PCSK2: variants seen among roughly 807,000 people sequenced by gnomAD.
PCSK2 encodes proprotein convertase subtilisin/kexin type 2.
PCSK2 carries 14 observed loss-of-function variants against 69.7 expected under a neutral mutation model. The observed-to-expected ratio is 0.20, with a 90% confidence interval of 0.13 to 0.31. The LOEUF (loss-of-function observed/expected upper bound fraction) is 0.31, where lower values mean the gene tolerates loss of function less well. Ranked by LOEUF, PCSK2 falls within the 10% of genes least tolerant of loss-of-function variation. The pLI is 1.00. For synonymous variants in PCSK2, 307 were observed against 320.7 expected, an observed-to-expected ratio of 0.96 and a Z score of 0.46; for missense variants, 544 against 842.5, an observed-to-expected ratio of 0.65 and a Z score of 4.39.
intron 6 of PCSK2, among the ~76,000 whole-genome samples, chr20:17,423,683 C>A (rs911148538): frequency 7.2e-5 from 11 of 151,780 alleles, no homozygotes; most frequent in Admixed American, 2.6e-4. Flanking sequence ...GGAAGACAAG[C>A]CACAGACTAG....
At chr20:17,436,009 G>C (rs185652262) in intron 7 of PCSK2, among the ~76,000 whole-genome samples, 1 of 152,298 alleles carries the variant, frequency 6.6e-6, no homozygotes, top group Admixed American at 6.5e-5. Context: ...GCAGGACTTT[G>C]CTCCTTCCCA....
intron 1 of PCSK2, among the ~76,000 whole-genome samples, chr20:17,252,734 G>A (rs891605421): frequency 6.6e-6 from 1 of 152,182 alleles, no homozygotes; most frequent in African/African-American, 2.4e-5. Flanking sequence ...TTTGTAGGCT[G>A]AGACCATATC....
chr20:17,373,173 G>T (rs527841433), intron 5 of PCSK2, among the ~76,000 whole-genome samples: 320 of 152,260 alleles, frequency 2.1e-3, no homozygotes, highest in Non-Finnish European at 3.1e-3. Flanking sequence ...GAGGATTCTA[G>T]GAAGCAGGGG....
At chr20:17,388,723 A>G (rs2031299356) in intron 5 of PCSK2, among the ~76,000 whole-genome samples, 1 of 152,146 alleles carries the variant, frequency 6.6e-6, no homozygotes, top group Non-Finnish European at 1.5e-5. Context: ...AGGAACCCGG[A>G]CTGACCCACA....
rs2032323660 is a variant in PCSK2 at position 17,429,607 on chromosome 20, T to C, written c.709+84T>C. 21 of 897,032 alleles carry C rather than the reference T, an allele frequency of 2.3e-5. No individual in the cohort carries two copies. In the South Asian group the frequency reaches 4.1e-4, roughly 17 times the overall value. 55.6% of individuals were successfully genotyped at this position (897,032 alleles called of 1,614,324 possible). On this transcript the variant is annotated intron_variant, in intron 7 of 11. Transcript: ENST00000262545. The stretch of plus-strand genomic sequence containing the variant: ...ACTGTGGCCCAGCAAAAAATCCCAC[T>C]GGTGCAGAAAAGCTAGGATCCACAG...
At chr20:17,374,183 C>T (rs1157780860) in intron 5 of PCSK2, among the ~76,000 whole-genome samples, 1 of 152,138 alleles carries the variant, frequency 6.6e-6, no homozygotes, top group Non-Finnish European at 1.5e-5. Context: ...ATAAATAAGA[C>T]ACAGGCACTC....
intron 6 of PCSK2, among the ~76,000 whole-genome samples, chr20:17,412,692 T>A (rs2031903463): frequency 6.6e-6 from 1 of 152,140 alleles, no homozygotes; most frequent in South Asian, 2.1e-4. Flanking sequence ...ACCACAAAGA[T>A]ACTCCTCAAG....
At chr20:17,262,162 C>G (rs1333430237) in intron 2 of PCSK2, among the ~76,000 whole-genome samples, 1 of 152,188 alleles carries the variant, frequency 6.6e-6, no homozygotes, top group Non-Finnish European at 1.5e-5. Flanking sequence ...AGATCAGTCA[C>G]TGGTGATTCT....
intron 2 of PCSK2, among the ~76,000 whole-genome samples, chr20:17,358,052 TC>T (rs1434919347): frequency 6.6e-6 from 1 of 152,228 alleles, no homozygotes; most frequent in African/African-American, 2.4e-5. Flanking sequence ...ACGCCTGTAA[TC>T]CCAGCTCTTT....
intron 8 of PCSK2, among the ~76,000 whole-genome samples, chr20:17,438,346 G>C (rs1207507918): frequency 6.6e-6 from 1 of 152,154 alleles, no homozygotes; most frequent in African/African-American, 2.4e-5. Context: ...TGAATGTACA[G>C]AACGCTATGT....
chr20:17,365,718 C>T (rs1461351619), intron 4 of PCSK2, among the ~76,000 whole-genome samples: 3 of 152,174 alleles, frequency 2.0e-5, no homozygotes, highest in Non-Finnish European at 4.4e-5. Context: ...ATTCCCATTC[C>T]CAAAGGGAGA....
rs551723808 is a variant in PCSK2 at position 17,482,595 on chromosome 20, C to T, written c.*525C>T. 11 of 152,082 alleles carry T rather than the reference C, an allele frequency of 7.2e-5. No homozygotes were observed. The highest frequency in any genetic ancestry group is 7.3e-5 in the Non-Finnish European group (5 of 68,090). The allele number at this position is 152,082 out of a possible 1,614,324, so 9.4% of individuals were successfully genotyped here. A position where few individuals can be genotyped will look rare whatever the true frequency, so the allele number is the denominator to read the frequency against. ...ATGTTTTGAATTTAGTGAGATTTACCAGGGATGTAGATTAAGGTGATGTGA... is the reference window on the plus strand; with the variant it reads ...ATGTTTTGAATTTAGTGAGATTTACTAGGGATGTAGATTAAGGTGATGTGA... On this transcript the variant is annotated 3_prime_UTR_variant, in exon 12 of 12. Transcript: ENST00000262545.
rs114514817 is a variant in PCSK2, at chr20:17,353,864, G to A, written c.283-4463G>A. On this transcript the variant is annotated intron_variant, in intron 2 of 11. Coordinates refer to ENST00000262545, the MANE Select transcript of PCSK2 (RefSeq NM_002594.5). ...CCTTTCCAGCAACTTGGATGCAGAT[G>A]GAGTTCATTATCCTAAGCAAATTAA... Among the ~76,000 whole-genome samples, 905 of 152,256 alleles carry A rather than the reference G, an allele frequency of 5.9e-3. 6 individuals are homozygous for A. Among genetic ancestry groups the A allele is most frequent in the African/African-American group, 0.02 (849 of 41,558 alleles).
chr20:17,236,346 A>G (rs1986337762), intron 1 of PCSK2, among the ~76,000 whole-genome samples: 1 of 152,126 alleles, frequency 6.6e-6, no homozygotes, highest in African/African-American at 2.4e-5. Flanking sequence ...TGTGTCTCAT[A>G]TTTAGGAGTT....
intron 2 of PCSK2, among the ~76,000 whole-genome samples, chr20:17,347,799 A>T (rs1453577619): frequency 6.4e-5 from 5 of 77,588 alleles, no homozygotes; most frequent in Non-Finnish European, 1.4e-4. Context: ...AAAGAAAGAA[A>T]GAAAGAAAGA....
At chr20:17,436,258 C>A (rs1262508446) in intron 7 of PCSK2, among the ~76,000 whole-genome samples, 1 of 152,110 alleles carries the variant, frequency 6.6e-6, no homozygotes, top group Non-Finnish European at 1.5e-5. Flanking sequence ...CTGTCCCCTG[C>A]CCTCTGCCCT....
chr20:17,285,884 CA>C (rs955670023), intron 2 of PCSK2, among the ~76,000 whole-genome samples: 1 of 152,184 alleles, frequency 6.6e-6, no homozygotes, highest in African/African-American at 2.4e-5. Flanking sequence ...CTAGTGGCCT[CA>C]AAGGACATTT....
intron 1 of PCSK2, among the ~76,000 whole-genome samples, chr20:17,255,090 C>T (rs1987126095): frequency 6.6e-6 from 1 of 152,152 alleles, no homozygotes; most frequent in African/African-American, 2.4e-5. Context: ...TTTCTATGTA[C>T]AAGATATGTC....
chr20:17,473,087 C>CTTTTTTTTTTTT (rs10648323), intron 11 of PCSK2, among the ~76,000 whole-genome samples: 4 of 76,800 alleles, frequency 5.2e-5, no homozygotes, highest in Admixed American at 1.9e-4. Context: ...AAGAAGAACT[C>CTTTTTTTTTTTT]TTTTTTTTTT....
Sources: gnomAD v4.1 joint callset for allele counts (sites outside exome capture counted in the v4.1 genomes callset) on GRCh38, gnomAD v4.1.1 for gene constraint, MANE v1.5 for transcripts, NCBI Gene and HGNC (gene_info 2026-07-23, HGNC 2026-07-21) for gene names.